Variants in FGF12 observed in about 807,000 individuals in gnomAD.
The protein encoded by FGF12 is fibroblast growth factor 12B.
In FGF12, 14 loss-of-function variants were observed where a neutral mutation model predicts 23.6. The ratio of observed to expected loss-of-function variants is 0.59; its 90% CI spans 0.39 to 0.93. FGF12 has a LOEUF of 0.93. FGF12 is among the 40% of genes least tolerant of loss of function. FGF12 has a pLI of 0.00. For missense variants in FGF12, 175 were observed against 217.8 expected (o/e 0.80, Z 1.24); for synonymous variants, 62 against 77.3 (o/e 0.80, Z 1.04).
At chr3:192,217,993 T>C (rs1428965417) in intron 4 of FGF12, among the ~76,000 whole-genome samples, 1 of 151,980 alleles carries the variant, frequency 6.6e-6, no homozygotes, top group African/African-American at 2.4e-5. Flanking sequence ...TGTGCCACCA[T>C]GCCCAGCTAA....
At chr3:192,648,373 A>G (rs909285517) in intron 2 of FGF12, among the ~76,000 whole-genome samples, 14 of 152,106 alleles carry the variant, frequency 9.2e-5, no homozygotes, top group African/African-American at 3.1e-4. Context: ...TCATTTCACA[A>G]AGAAAAGTAA....
At chr3:192,278,918 T>C (rs1375085707) in intron 4 of FGF12, among the ~76,000 whole-genome samples, 1 of 152,064 alleles carries the variant, frequency 6.6e-6, no homozygotes, top group East Asian at 1.9e-4. Context: ...GTCATGGTGG[T>C]TGGTTTGGGC....
intron 2 of FGF12, among the ~76,000 whole-genome samples, chr3:192,660,172 A>C (rs574335485): frequency 2.0e-5 from 3 of 150,922 alleles, no homozygotes; most frequent in Non-Finnish European, 4.4e-5. Flanking sequence ...ATGGAATACT[A>C]TGCAGCCATA....
intron 4 of FGF12, among the ~76,000 whole-genome samples, chr3:192,221,777 C>T (rs957062530): frequency 4.6e-5 from 7 of 151,970 alleles, no homozygotes; most frequent in East Asian, 3.9e-4. Flanking sequence ...GAAAATATCA[C>T]GAAAATATTT....
chr3:192,665,146 C>A (rs1468540942), intron 2 of FGF12, among the ~76,000 whole-genome samples: 1 of 151,994 alleles, frequency 6.6e-6, no homozygotes, highest in Non-Finnish European at 1.5e-5. Flanking sequence ...CAAAATATTT[C>A]TTAAATGCAT....
intron 2 of FGF12, among the ~76,000 whole-genome samples, chr3:192,664,302 T>G (rs1376073199): frequency 6.6e-6 from 1 of 152,192 alleles, no homozygotes; most frequent in South Asian, 2.1e-4. Flanking sequence ...GTGTGAGCAC[T>G]TCCTGTTTTA....
chr3:192,669,602 T>TAAAAAAAAA (rs59897483), intron 2 of FGF12, among the ~76,000 whole-genome samples: 8 of 59,528 alleles, frequency 1.3e-4, no homozygotes, highest in South Asian at 1.4e-3. Flanking sequence ...GACTCTGTCT[T>TAAAAAAAAA]AAAAAAAAAA....
At chr3:192,330,714 A>G (rs1303074744) in intron 4 of FGF12, among the ~76,000 whole-genome samples, 1 of 150,698 alleles carries the variant, frequency 6.6e-6, no homozygotes, top group Non-Finnish European at 1.5e-5. Context: ...GAAACAAAAA[A>G]CAAAACAACA....
At position 192,409,367 on chromosome 3, in the gene FGF12, G is replaced by C. The variant is rs1247351667; in HGVS notation, c.14-48829C>G. ...CCGCCATGGTCCACCCGGGGCCGCC[G>C]CACCGAGCTGGTCTCCGCACAGGCT... On this transcript the variant is annotated intron_variant, in intron 2 of 5. Coordinates refer to ENST00000445105, the MANE Select transcript of FGF12 (RefSeq NM_004113.6). The surrounding 1 kb of genome is among the most constrained non-coding windows in gnomAD (Gnocchi z 4.8). 6.6e-6 allele frequency among the ~76,000 whole-genome samples: 1 copy of C among 152,144 alleles called. No homozygotes were observed. The highest frequency in any genetic ancestry group is 2.1e-4 in the South Asian group (1 of 4,834).
At chr3:192,270,301 T>A (rs1035089287) in intron 4 of FGF12, among the ~76,000 whole-genome samples, 2 of 152,168 alleles carry the variant, frequency 1.3e-5, no homozygotes, top group Non-Finnish European at 2.9e-5. Context: ...GCACTTAATT[T>A]CCTGCACCTT....
chr3:192,232,451 G>C (rs1719070173), intron 4 of FGF12, among the ~76,000 whole-genome samples: 1 of 152,082 alleles, frequency 6.6e-6, no homozygotes, highest in Non-Finnish European at 1.5e-5. Flanking sequence ...CTCATAATTT[G>C]TATAATTCCA....
intron 2 of FGF12, among the ~76,000 whole-genome samples, chr3:192,625,509 G>T (rs1715134122): frequency 1.3e-5 from 2 of 151,956 alleles, no homozygotes; most frequent in Admixed American, 6.6e-5. Flanking sequence ...TTAAAAATGA[G>T]AACCTAATAA....
intron 2 of FGF12, among the ~76,000 whole-genome samples, chr3:192,483,344 C>T (rs1462402533): frequency 6.6e-6 from 1 of 152,102 alleles, no homozygotes; most frequent in Non-Finnish European, 1.5e-5. Flanking sequence ...CTCTAAACTT[C>T]CACAGCCCTT....
At chr3:192,619,411 G>T (rs557105436) in intron 2 of FGF12, among the ~76,000 whole-genome samples, 1 of 152,168 alleles carries the variant, frequency 6.6e-6, no homozygotes, top group Non-Finnish European at 1.5e-5. Flanking sequence ...TAGCAGGAAG[G>T]TGCAGGACAA....
intron 2 of FGF12, among the ~76,000 whole-genome samples, chr3:192,707,168 T>G (rs1718497064): frequency 6.6e-6 from 1 of 152,172 alleles, no homozygotes; most frequent in South Asian, 2.1e-4. Context: ...ACAAAGGTTG[T>G]AATAGTTGTA....
intron 2 of FGF12, among the ~76,000 whole-genome samples, chr3:192,595,693 T>C (rs1354253961): frequency 6.6e-6 from 1 of 152,206 alleles, no homozygotes; most frequent in African/African-American, 2.4e-5. Flanking sequence ...ATCATTGTTG[T>C]AGTAAGTGGT....
At chr3:192,640,239 T>C (rs982399944) in intron 2 of FGF12, among the ~76,000 whole-genome samples, 1 of 152,188 alleles carries the variant, frequency 6.6e-6, no homozygotes, top group Admixed American at 6.5e-5. Flanking sequence ...TGGGCAACGA[T>C]GTGCAATGAT....
chr3:192,232,234 C>T (rs1372523624), intron 4 of FGF12, among the ~76,000 whole-genome samples: 2 of 152,060 alleles, frequency 1.3e-5, no homozygotes, highest in Admixed American at 6.6e-5. Context: ...TTGTTTTCTA[C>T]CAATCTGTAT....
At chr3:192,193,676 T>C (rs1716917206) in intron 4 of FGF12, among the ~76,000 whole-genome samples, 1 of 152,206 alleles carries the variant, frequency 6.6e-6, no homozygotes, top group African/African-American at 2.4e-5. Flanking sequence ...TCAACATCAC[T>C]GGTCAATAAC....
Sources: allele counts gnomAD v4.1 joint callset (sites outside exome capture counted in the v4.1 genomes callset), GRCh38; gene constraint gnomAD v4.1.1; non-coding constraint Gnocchi (gnomAD v3.1); transcripts MANE v1.5; gene names NCBI Gene and HGNC (gene_info 2026-07-23, HGNC 2026-07-21).